Variants in MAPKBP1 observed in about 807,000 individuals in gnomAD.
MAPKBP1 encodes the protein mitogen-activated protein kinase binding protein 1.
In MAPKBP1, 71 loss-of-function variants were observed where a neutral mutation model predicts 170.5. That is an observed-to-expected ratio of 0.42 (90% CI 0.34 to 0.51). The LOEUF is 0.51. Among genes scored for constraint, MAPKBP1 ranks in the 20% least tolerant of loss-of-function variants. MAPKBP1 has a pLI of 0.06. For missense variants in MAPKBP1, 1,598 were observed against 1,933.0 expected, an observed-to-expected ratio of 0.83 and a Z score of 3.25; for synonymous variants, 719 against 757.9, an observed-to-expected ratio of 0.95 and a Z score of 0.84.
chr15:41,798,216 C>T (rs1567141134), intron 2 of MAPKBP1, among the ~76,000 whole-genome samples: 1 of 133,098 alleles, frequency 7.5e-6, no homozygotes, highest in Non-Finnish European at 1.6e-5. Context: ...TGCCACTGCA[C>T]TCCAGCCTGG....
At position 41,817,596 on chromosome 15, in the gene MAPKBP1, C is replaced by T; in HGVS notation, c.1783-18C>T. 6.2e-7 allele frequency: 1 copy of T among 1,614,156 alleles called. No homozygotes were observed. On this transcript the variant is annotated intron_variant, in intron 15 of 30. Coordinates refer to ENST00000457542, the MANE Select transcript of MAPKBP1 (RefSeq NM_014994.3). The surrounding 1 kb of genome is among the most constrained non-coding windows in gnomAD (Gnocchi z 4.2). ...AGGCATTTGGGTGTGGGCCTGCCCA[C>T]ATGCTCCACCCCTGCAGTCTGGAGA...
At chr15:41,786,407 T>C (rs1343168924) in intron 2 of MAPKBP1, among the ~76,000 whole-genome samples, 1 of 152,130 alleles carries the variant, frequency 6.6e-6, no homozygotes. Flanking sequence ...ATCTAAGATG[T>C]TTAAAATTTA....
chr15:41,782,857 C>A (rs1267686804), intron 2 of MAPKBP1, among the ~76,000 whole-genome samples: 1 of 152,178 alleles, frequency 6.6e-6, no homozygotes, highest in Non-Finnish European at 1.5e-5. Context: ...TTATAAAAGT[C>A]AATTTAATGA....
intron 2 of MAPKBP1, among the ~76,000 whole-genome samples, chr15:41,788,660 A>G (rs2152070451): frequency 6.6e-6 from 1 of 152,386 alleles, no homozygotes; most frequent in Non-Finnish European, 1.5e-5. Flanking sequence ...GCTTCTTTCC[A>G]GAAAAATGAA....
intron 7 of MAPKBP1, 31 bp downstream of exon 7, chr15:41,812,684 AGGCCCCTGGCAGGGCCTG>A (rs1388495539): frequency 6.4e-7 from 1 of 1,564,510 alleles, no homozygotes; most frequent in South Asian, 1.2e-5. Context: ...GTAGCCACCA[AGGCCCCTGGCAGGGCCTG>A]CCCAGCCCAA....
chr15:41,818,177 A>C lies in MAPKBP1; in HGVS notation c.1981-17A>C, dbSNP rs1349122960. 1 of 1,610,852 alleles carries C rather than the reference A, an allele frequency of 6.2e-7. No individual in the cohort carries two copies. Among genetic ancestry groups the C allele is most frequent in the East Asian group, 2.2e-5 (1 of 44,854 alleles). On this transcript the variant is annotated splice_polypyrimidine_tract_variant and intron_variant, in intron 17 of 30. Transcript: ENST00000457542. The surrounding 1 kb of genome is among the most constrained non-coding windows in gnomAD (Gnocchi z 5.2). ...TACTTCCCATGTCCTCCAGCTGCACACCCTGCTACTCCTCAGGTGCAGACA... is the reference window on the plus strand; with the variant it reads ...TACTTCCCATGTCCTCCAGCTGCACCCCCTGCTACTCCTCAGGTGCAGACA...
chr15:41,790,027 A>G (rs1235144371), intron 2 of MAPKBP1, among the ~76,000 whole-genome samples: 1 of 152,198 alleles, frequency 6.6e-6, no homozygotes, highest in Non-Finnish European at 1.5e-5. Flanking sequence ...TTACTCTTTC[A>G]TGTGTAAAAT....
chr15:41,777,372 A>T (rs908068821), intron 2 of MAPKBP1, among the ~76,000 whole-genome samples: 1 of 151,524 alleles, frequency 6.6e-6, no homozygotes, highest in Non-Finnish European at 1.5e-5. Flanking sequence ...GGCTTCACAG[A>T]GGAAGGGATG....
At chr15:41,793,200 T>A (rs537962898) in intron 2 of MAPKBP1, among the ~76,000 whole-genome samples, 1 of 152,314 alleles carries the variant, frequency 6.6e-6, no homozygotes, top group South Asian at 2.1e-4. Flanking sequence ...AGAACGCTAA[T>A]ATGTGGGCTG....
At chr15:41,775,144 T>C in intron 1 of MAPKBP1, 23 bp from the exon 2 acceptor site, 1 of 667,780 alleles carries the variant, frequency 1.5e-6, no homozygotes, top group South Asian at 1.8e-5. Flanking sequence ...ACTGTGATAC[T>C]AAGGTGGCTT....
chr15:41,803,567 T>C (rs1346294355), intron 3 of MAPKBP1, among the ~76,000 whole-genome samples: 1 of 151,614 alleles, frequency 6.6e-6, no homozygotes, highest in Non-Finnish European at 1.5e-5. Context: ...TAAAAAAAAT[T>C]AGCTGGGTAT....
chr15:41,816,356 T>C (rs1190013066), intron 12 of MAPKBP1: 6 of 557,250 alleles, frequency 1.1e-5, no homozygotes, highest in Non-Finnish European at 1.9e-5. Context: ...GTTTTGATAA[T>C]TGCACTATCG....
chr15:41,779,569 T>A (rs2064150698), intron 2 of MAPKBP1, among the ~76,000 whole-genome samples: 1 of 152,108 alleles, frequency 6.6e-6, no homozygotes, highest in Non-Finnish European at 1.5e-5. Flanking sequence ...GGTCTCAAAC[T>A]TCTGGCCTCA....
chr15:41,791,862 C>T (rs2064401643), intron 2 of MAPKBP1, among the ~76,000 whole-genome samples: 1 of 152,052 alleles, frequency 6.6e-6, no homozygotes, highest in African/African-American at 2.4e-5. Flanking sequence ...TTGAGACCAG[C>T]CTGACCAACA....
intron 2 of MAPKBP1, among the ~76,000 whole-genome samples, chr15:41,786,534 G>C (rs1437560219): frequency 5.9e-5 from 9 of 151,642 alleles, no homozygotes; most frequent in Non-Finnish European, 1.5e-5. Flanking sequence ...GGAGGCCAAG[G>C]CGGGCGGATC....
Position 41,795,661 on chromosome 15 carries a change from C to T in MAPKBP1, c.115-4162C>T, listed in dbSNP as rs1028827515. 1.2e-3 allele frequency among the ~76,000 whole-genome samples: 186 copies of T among 152,228 alleles called. 1 individual carries two copies. The highest frequency in any genetic ancestry group is 4.3e-3 in the African/African-American group (178 of 41,524). ...TCGCTCTGTCGCCCAGGCTGGAGTG[C>T]AGTGGTGCAATCTCGGTTCACTGTA... On this transcript the variant is annotated intron_variant, in intron 2 of 30. Coordinates refer to ENST00000457542, the MANE Select transcript of MAPKBP1 (RefSeq NM_014994.3).
rs201725344 is a variant in MAPKBP1 at position 41,819,316 on chromosome 15, G to A, written c.2362G>A (p.Glu788Lys). The A allele has an allele frequency of 4.0e-4, 639 of 1,614,098 alleles. 2 individuals carry two copies. The highest frequency in any genetic ancestry group is 4.6e-4 in the Non-Finnish European group (543 of 1,180,052). Reference protein sequence around the residue: ...SSDSDKEGEDEGTEEELPALP... With the variant: ...SSDSDKEGEDKGTEEELPALP... ...AGACAGTGACAAGGAGGGAGAAGAT[G>A]AGGGGACTGAAGAAGAACTTCCAGC... The change falls in exon 21 of 31, where the codon GAG becomes AAG. Residue 788 changes from glutamate (E) to lysine (K), a missense_variant. Glu to Lys is a moderately conservative substitution (Grantham distance 56). Transcript: ENST00000457542.
At position 41,821,635 on chromosome 15, in the gene MAPKBP1, A is replaced by G. The variant is rs1234092069; in HGVS notation, c.2770A>G (p.Ile924Val). The change falls in exon 24 of 31, where the codon ATT becomes GTT. Residue 924 changes from isoleucine to valine, a missense_variant. Ile to Val is a conservative substitution (Grantham distance 29). Around this residue, in one of 6 missense-constraint regions of MAPKBP1, gnomAD observed 942 missense variants for 953.2 expected, o/e 0.99. Coordinates refer to ENST00000457542, the MANE Select transcript of MAPKBP1 (RefSeq NM_014994.3). ...QASQPCSYPHIIRLLSQEEGV... is the reference protein window; with the variant it reads ...QASQPCSYPHVIRLLSQEEGV... ...TTCCCAACCTTGTTCCTATCCCCAT[A>G]TTATCCGATTATTGTCACAAGAGGA... The G allele has an allele frequency of 6.2e-7, 1 of 1,613,918 alleles. No homozygotes were observed. The highest frequency in any genetic ancestry group is 1.1e-5 in the South Asian group (1 of 91,080).
intron 2 of MAPKBP1, among the ~76,000 whole-genome samples, chr15:41,793,935 C>T (rs1365404111): frequency 5.9e-5 from 9 of 152,096 alleles, no homozygotes; most frequent in Non-Finnish European, 1.2e-4. Flanking sequence ...AACTTAAATA[C>T]AAACACAGAT....
Sources: gnomAD v4.1 joint callset for allele counts (sites outside exome capture counted in the v4.1 genomes callset) on GRCh38, gnomAD v4.1.1 for gene constraint, gnomAD v4.1.1 regional missense constraint, Gnocchi (gnomAD v3.1) non-coding constraint, MANE v1.5 for transcripts, NCBI Gene and HGNC (gene_info 2026-07-23, HGNC 2026-07-21) for gene names.